Variants in TRPM1 observed in about 807,000 individuals in gnomAD.
TRPM1 encodes the protein transient receptor potential cation channel subfamily M member 1.
Under a neutral mutation model 149.4 loss-of-function variants are expected in TRPM1, and 113 were observed. The ratio of observed to expected loss-of-function variants is 0.76; its 90% CI spans 0.65 to 0.88. The LOEUF (loss-of-function observed/expected upper bound fraction) is 0.88. TRPM1 is among the 40% of genes least tolerant of loss of function. The pLI, the probability that TRPM1 is intolerant of heterozygous loss-of-function variation, is 0.00. For synonymous variants in TRPM1, 741 were observed against 759.5 expected (o/e 0.98, Z 0.40); for missense variants, 1,976 against 2,038.7 (o/e 0.97, Z 0.59).
At chr15:31,072,008 TATATATATATAGAG>T (rs1226339748) in intron 3 of TRPM1, among the ~76,000 whole-genome samples, 986 of 34,556 alleles carry the variant, frequency 0.029, 17 homozygotes, top group African/African-American at 0.079. Flanking sequence ...TATATATATA[TATATATATATAGAG>T]AGAGAGAGAG....
intron 27 of TRPM1, among the ~76,000 whole-genome samples, chr15:31,011,308 C>G (rs957287560): frequency 6.6e-6 from 1 of 152,220 alleles, no homozygotes; most frequent in Non-Finnish European, 1.5e-5. Flanking sequence ...CTCTGCCATA[C>G]TGCTATTTAT....
At position 31,067,859 on chromosome 15, in the gene TRPM1, G is replaced by C. The variant is rs367972780; in HGVS notation, c.493+20C>G. 2.4e-5 allele frequency: 38 copies of C among 1,611,196 alleles called. No homozygotes were observed. The highest frequency in any genetic ancestry group is 3.2e-5 in the Non-Finnish European group (38 of 1,179,184). On this transcript the variant is annotated intron_variant, in intron 5 of 27. Transcript: ENST00000256552. ...CTGGGTGGTACATTGATTATCGGGAGGGAAAGGGCCTGCTCTTACCTGTGC... is the reference window on the plus strand; with the variant it reads ...CTGGGTGGTACATTGATTATCGGGACGGAAAGGGCCTGCTCTTACCTGTGC...
chr15:31,046,747 G>A (rs185935723), intron 15 of TRPM1, among the ~76,000 whole-genome samples: 1 of 152,336 alleles, frequency 6.6e-6, no homozygotes, highest in East Asian at 1.9e-4. Context: ...TCCAGGCAGT[G>A]AGGAGCTCTG....
At chr15:31,159,339 A>G (rs1329045356) in intron 1 of TRPM1, among the ~76,000 whole-genome samples, 1 of 152,140 alleles carries the variant, frequency 6.6e-6, no homozygotes, top group Non-Finnish European at 1.5e-5. Context: ...TTCAAGAACA[A>G]CAAAAGCCTG....
intron 25 of TRPM1, among the ~76,000 whole-genome samples, chr15:31,027,888 T>C (rs992235928): frequency 1.3e-5 from 2 of 152,210 alleles, no homozygotes; most frequent in Non-Finnish European, 2.9e-5. Context: ...TTTAAGCCAT[T>C]TTTTTCTTAG....
chr15:31,124,549 G>A (rs573068042), intron 1 of TRPM1, among the ~76,000 whole-genome samples: 2 of 151,760 alleles, frequency 1.3e-5, no homozygotes, highest in African/African-American at 4.8e-5. Context: ...AGCTACTTGG[G>A]AGGCTGAGGC....
At chr15:31,109,552 T>C (rs1052637056) in intron 1 of TRPM1, among the ~76,000 whole-genome samples, 9 of 148,084 alleles carry the variant, frequency 6.1e-5, no homozygotes, top group African/African-American at 2.0e-4. Flanking sequence ...TACAAAAAAT[T>C]AGCTGGGCGT....
rs2032717851 is a variant in TRPM1 at position 31,025,966 on chromosome 15, T to C, written c.3629+173A>G. Among the ~76,000 whole-genome samples, 6 of 152,374 alleles carry C rather than the reference T, an allele frequency of 3.9e-5. No individual in the cohort carries two copies. In the South Asian group the frequency reaches 1.2e-3, roughly 32 times the overall value. ...CCTTCTATATCCAATGCACAGTTAT[T>C]ACCTAGTAACTTTCTCACTATTTCG... On this transcript the variant is annotated intron_variant, in intron 27 of 27. Transcript: ENST00000256552.
chr15:31,088,813 G>A lies in TRPM1; in HGVS notation c.-83-7375C>T, dbSNP rs564048027. 2.0e-5 allele frequency among the ~76,000 whole-genome samples: 3 copies of A among 148,658 alleles called. No homozygotes were observed. In the East Asian group the frequency reaches 6.2e-4, roughly 31 times the overall value. ...AACGTTCTTTCTGCTGGGGGGATGC[G>A]TCAGAGGAGGCCTTTGTACCGGGGC... On this transcript the variant is annotated intron_variant, in intron 1 of 27. Transcript: ENST00000256552.
chr15:31,149,378 G>A (rs1030312564), intron 1 of TRPM1, among the ~76,000 whole-genome samples: 5 of 152,192 alleles, frequency 3.3e-5, no homozygotes, highest in Admixed American at 3.3e-4. Flanking sequence ...AGTTTTTCAA[G>A]TATTTCAGCA....
chr15:31,073,925 A>G (rs1402761869), intron 3 of TRPM1, among the ~76,000 whole-genome samples: 1 of 152,042 alleles, frequency 6.6e-6, no homozygotes, highest in African/African-American at 2.4e-5. Context: ...GTTGAGTTTT[A>G]TCCAAGTCTT....
At chr15:31,041,890 C>A in intron 17 of TRPM1, 61 bp downstream of exon 17, 2 of 1,589,604 alleles carry the variant, frequency 1.3e-6, no homozygotes, top group South Asian at 2.2e-5. Flanking sequence ...CCCCTCCCTG[C>A]AGAGACAAGT....
Position 31,001,716 on chromosome 15 carries a change from T to A in TRPM1, c.*106A>T, listed in dbSNP as rs1462715963. Reference sequence around the variant, plus strand: ...GTAAATCAAGTCTGAATTTCCAAAATTTTTTAAGGAAAATGTTTTTAGAAA... The same window carrying A: ...GTAAATCAAGTCTGAATTTCCAAAAATTTTTAAGGAAAATGTTTTTAGAAA... On this transcript the variant is annotated 3_prime_UTR_variant, in exon 28 of 28. Coordinates refer to ENST00000256552, the MANE Select transcript of TRPM1 (RefSeq NM_001252024.2). The A allele has an allele frequency of 3.7e-6, 5 of 1,353,508 alleles. No individual in the cohort carries two copies. In the East Asian group the frequency reaches 7.4e-5, roughly 20 times the overall value. 83.8% of individuals were successfully genotyped at this position (1,353,508 alleles called of 1,614,324 possible). A position where few individuals can be genotyped will look rare whatever the true frequency, so the allele number is the denominator to read the frequency against.
At chr15:31,076,673 G>A (rs910203373) in intron 3 of TRPM1, among the ~76,000 whole-genome samples, 3 of 152,154 alleles carry the variant, frequency 2.0e-5, no homozygotes, top group African/African-American at 7.2e-5. Context: ...TGTGGGCCCA[G>A]TTGGCTATGA....
chr15:31,097,740 A>C (rs190417905), intron 1 of TRPM1, among the ~76,000 whole-genome samples: 130 of 152,284 alleles, frequency 8.5e-4, no homozygotes, highest in African/African-American at 3.1e-3. Flanking sequence ...TACAGGAACA[A>C]ACTTCCCGAT....
chr15:31,066,039 C>A, intron 7 of TRPM1, 37 bp downstream of exon 7: 1 of 1,603,038 alleles, frequency 6.2e-7, no homozygotes. Context: ...GTGATGGCAT[C>A]AGCCCAGGAG....
intron 3 of TRPM1, among the ~76,000 whole-genome samples, chr15:31,075,365 T>C (rs2034662191): frequency 6.6e-6 from 1 of 152,228 alleles, no homozygotes; most frequent in Admixed American, 6.5e-5. Flanking sequence ...TAGGTACATA[T>C]ATGTTTATAT....
rs775750706 is a variant in TRPM1 at position 31,030,964 on chromosome 15, C to A, written c.3127+19G>T. ...CTCAGAAGCAGGGAAGAGAATCTTA[C>A]TATGAATTCTACTCTTACGGTCTAT... is the stretch of plus-strand genomic sequence containing the variant. On this transcript the variant is annotated intron_variant, in intron 23 of 27. Coordinates refer to ENST00000256552, the MANE Select transcript of TRPM1 (RefSeq NM_001252024.2). 3 of 1,613,844 alleles carry A rather than the reference C, an allele frequency of 1.9e-6. No homozygotes were observed. In the Admixed American group the frequency reaches 5.0e-5, roughly 27 times the overall value.
intron 1 of TRPM1, among the ~76,000 whole-genome samples, chr15:31,127,899 G>A (rs889193951): frequency 2.0e-5 from 3 of 152,212 alleles, no homozygotes; most frequent in Admixed American, 2.0e-4. Flanking sequence ...GGGCCTGGAA[G>A]TGGAGGTCCC....
Sources: gnomAD v4.1 joint callset for allele counts (sites outside exome capture counted in the v4.1 genomes callset) on GRCh38, gnomAD v4.1.1 for gene constraint, MANE v1.5 for transcripts, NCBI Gene and HGNC (gene_info 2026-07-23, HGNC 2026-07-21) for gene names.